The following DNAJC1 variants were observed in gnomAD, a reference collection of about 807,000 sequenced individuals.
The protein encoded by DNAJC1 is dnaJ homolog subfamily C member 1.
DNAJC1 carries 58 observed loss-of-function variants against 76.6 expected under a neutral mutation model. The ratio of observed to expected loss-of-function variants is 0.76; its 90% CI spans 0.61 to 0.94. DNAJC1 has a LOEUF of 0.94. Ranked by LOEUF, DNAJC1 falls within the 40% of genes least tolerant of loss-of-function variation. The pLI, the probability that DNAJC1 is intolerant of heterozygous loss-of-function variation, is 0.00. For missense variants in DNAJC1, 689 were observed against 677.3 expected, an observed-to-expected ratio of 1.02 and a Z score of -0.19; for synonymous variants, 258 against 267.9, an observed-to-expected ratio of 0.96 and a Z score of 0.36.
intron 9 of DNAJC1, among the ~76,000 whole-genome samples, chr10:21,782,016 T>C (rs560535323): frequency 6.6e-6 from 1 of 151,924 alleles, no homozygotes; most frequent in Non-Finnish European, 1.5e-5. Flanking sequence ...ATTCAGAAGC[T>C]AGCAGAAGGC....
At chr10:21,928,358 A>C in intron 3 of DNAJC1, 148 bp downstream of exon 3, 1 of 680,086 alleles carries the variant, frequency 1.5e-6, no homozygotes, top group South Asian at 2.1e-5. Context: ...CTCTGCTTCA[A>C]ACACACATTT....
At chr10:21,917,600 C>G (rs1590048230) in intron 6 of DNAJC1, among the ~76,000 whole-genome samples, 1 of 151,940 alleles carries the variant, frequency 6.6e-6, no homozygotes, top group East Asian at 1.9e-4. Context: ...AAGACTTTCC[C>G]TCCCTCATTA....
intron 9 of DNAJC1, among the ~76,000 whole-genome samples, chr10:21,767,176 A>G (rs1381336296): frequency 6.6e-6 from 1 of 152,132 alleles, no homozygotes; most frequent in Non-Finnish European, 1.5e-5. Context: ...GAACCCTAAG[A>G]GCATCTGAGA....
intron 1 of DNAJC1, among the ~76,000 whole-genome samples, chr10:21,994,979 A>G (rs1838392786): frequency 6.7e-6 from 1 of 149,872 alleles, no homozygotes; most frequent in Non-Finnish European, 1.5e-5. Context: ...CGCAAATCAA[A>G]CTTAATCACC....
At chr10:21,881,845 A>G (rs1482929827) in intron 8 of DNAJC1, among the ~76,000 whole-genome samples, 3 of 98,534 alleles carry the variant, frequency 3.0e-5, no homozygotes, top group East Asian at 2.5e-4. Flanking sequence ...CTCAATTTGT[A>G]AAAAAAAAAA....
intron 7 of DNAJC1, among the ~76,000 whole-genome samples, chr10:21,884,422 T>C (rs1836334974): frequency 6.6e-6 from 1 of 152,182 alleles, no homozygotes; most frequent in Non-Finnish European, 1.5e-5. Flanking sequence ...GATGTACTGT[T>C]GGCAGGGAAA....
rs148402578 is a variant in DNAJC1, at chr10:21,890,695, G to A, written c.821-8256C>T. 8.5e-5 allele frequency among the ~76,000 whole-genome samples: 13 copies of A among 152,264 alleles called. No individual in the cohort carries two copies. In the East Asian group the frequency reaches 2.5e-3, roughly 29 times the overall value. ...ACCTGGACTTCAATTCTACCTAGCA[G>A]TAACAGGCAGCACTACCCCTTCCAT... On this transcript the variant is annotated intron_variant, in intron 7 of 11. Coordinates refer to ENST00000376980, the MANE Select transcript of DNAJC1 (RefSeq NM_022365.4).
chr10:21,808,823 T>G (rs1046023176), intron 8 of DNAJC1, among the ~76,000 whole-genome samples: 2 of 152,186 alleles, frequency 1.3e-5, no homozygotes, highest in Admixed American at 1.3e-4. Flanking sequence ...GGGCCAAATA[T>G]TCATCTCTAC....
intron 9 of DNAJC1, among the ~76,000 whole-genome samples, chr10:21,774,938 T>A (rs1834434004): frequency 6.6e-6 from 1 of 152,122 alleles, no homozygotes; most frequent in South Asian, 2.1e-4. Context: ...TGACTTAAGG[T>A]TTCCTGATAC....
At chr10:21,821,221 CAG>C (rs371994834) in intron 8 of DNAJC1, among the ~76,000 whole-genome samples, 2 of 151,504 alleles carry the variant, frequency 1.3e-5, no homozygotes, top group Admixed American at 6.6e-5. Context: ...GGCAGGAGGT[CAG>C]AGAGAGAGAG....
chr10:21,782,133 T>C (rs1042651831), intron 9 of DNAJC1, among the ~76,000 whole-genome samples: 4 of 151,924 alleles, frequency 2.6e-5, no homozygotes, highest in Non-Finnish European at 5.9e-5. Context: ...ATCAACAAAA[T>C]TGATAGACCG....
At chr10:21,990,010 A>G (rs1487673163) in intron 1 of DNAJC1, among the ~76,000 whole-genome samples, 1 of 152,244 alleles carries the variant, frequency 6.6e-6, no homozygotes, top group Non-Finnish European at 1.5e-5. Flanking sequence ...TAACAATGCC[A>G]AAGTCTAAAA....
rs758917868 is a variant in DNAJC1, at chr10:21,928,505, CCT to C, written c.370_371del (p.Arg124ValfsTer2). 4.3e-6 allele frequency: 7 copies of C among 1,612,272 alleles called. No individual in the cohort carries two copies. The Admixed American group carries it at 1.0e-4, about 23-fold the overall frequency. On this transcript the variant is annotated frameshift_variant and splice_region_variant, in exon 3 of 12. Transcript: ENST00000376980. LOFTEE classifies it high-confidence loss of function. The part of the protein sequence containing the change: ...EVLKDDERRQ[R>X]YDDILINGLP... The stretch of plus-strand genomic sequence containing the variant: ...ATTCAAAAGCAGAAATGAACACTCA[CCT>C]CTGCCTTCGTTCATCATCCTTTAAA...
At chr10:21,808,719 T>G (rs1834920443) in intron 8 of DNAJC1, among the ~76,000 whole-genome samples, 1 of 152,228 alleles carries the variant, frequency 6.6e-6, no homozygotes, top group South Asian at 2.1e-4. Flanking sequence ...CCTCTTCTAA[T>G]CTGGAGCCAA....
intron 7 of DNAJC1, among the ~76,000 whole-genome samples, chr10:21,887,588 C>T (rs1018195412): frequency 6.6e-6 from 1 of 152,074 alleles, no homozygotes; most frequent in African/African-American, 2.4e-5. Context: ...GGCTGCACAC[C>T]TATAACCATC....
At chr10:21,812,917 C>T (rs992359202) in intron 8 of DNAJC1, among the ~76,000 whole-genome samples, 1 of 151,486 alleles carries the variant, frequency 6.6e-6, no homozygotes, top group Admixed American at 6.6e-5. Flanking sequence ...TGCCCTTGTG[C>T]AGTCTCCTTC....
intron 6 of DNAJC1, among the ~76,000 whole-genome samples, chr10:21,904,819 T>A (rs985733113): frequency 3.3e-5 from 5 of 152,010 alleles, no homozygotes; most frequent in Non-Finnish European, 7.4e-5. Flanking sequence ...TTTATGAGTA[T>A]AATTTTAAAC....
chr10:21,925,400 A>C (rs750596216), intron 3 of DNAJC1, among the ~76,000 whole-genome samples: 4 of 152,208 alleles, frequency 2.6e-5, no homozygotes, highest in African/African-American at 7.2e-5. Flanking sequence ...TTGGGGGAGA[A>C]AAAGGCTTAA....
intron 8 of DNAJC1, among the ~76,000 whole-genome samples, chr10:21,878,276 T>G (rs981225368): frequency 6.6e-6 from 1 of 152,328 alleles, no homozygotes; most frequent in East Asian, 1.9e-4. Flanking sequence ...AGAGACAAAC[T>G]GCTCACACAG....
Sources: allele counts gnomAD v4.1 joint callset (sites outside exome capture counted in the v4.1 genomes callset), GRCh38; gene constraint gnomAD v4.1.1; transcripts MANE v1.5; gene names NCBI Gene and HGNC (gene_info 2026-07-23, HGNC 2026-07-21).